EIF3A: variants seen among roughly 807,000 people sequenced by gnomAD.
EIF3A encodes EIF3, p180 subunit.
EIF3A carries 21 observed loss-of-function variants against 186.6 expected under a neutral mutation model. The ratio of observed to expected loss-of-function variants is 0.11; its 90% CI spans 0.08 to 0.16. The LOEUF is 0.16. Ranked by LOEUF, EIF3A falls within the 10% of genes least tolerant of loss-of-function variation. EIF3A has a pLI of 1.00. For synonymous variants in EIF3A, 563 were observed against 584.3 expected, an observed-to-expected ratio of 0.96 and a Z score of 0.52; for missense variants, 1,306 against 1,796.3, an observed-to-expected ratio of 0.73 and a Z score of 4.93.
At chr10:119,070,822 A>G (rs868403656) in intron 5 of EIF3A, 64 bp downstream of exon 5, 33 of 1,157,012 alleles carry the variant, frequency 2.9e-5, no homozygotes, top group African/African-American at 2.1e-4. Context: ...GCTATTCATT[A>G]AGGGGGGAGA....
chr10:119,062,143 G>C lies in EIF3A; in HGVS notation c.1123-815C>G, dbSNP rs547043992. ...TTATAAGCATCCATATATCTTTACT[G>C]CAATAAGGTGTGGTATATGCATACA... On this transcript the variant is annotated intron_variant, in intron 7 of 21. Coordinates refer to ENST00000369144, the MANE Select transcript of EIF3A (RefSeq NM_003750.4). Among the ~76,000 whole-genome samples, 8 of 152,048 alleles carry C rather than the reference G, an allele frequency of 5.3e-5. No homozygotes were observed. In the South Asian group the frequency reaches 1.7e-3, roughly 32 times the overall value.
At chr10:119,057,657 C>T (rs1164679806) in intron 12 of EIF3A, among the ~76,000 whole-genome samples, 1 of 152,112 alleles carries the variant, frequency 6.6e-6, no homozygotes, top group Non-Finnish European at 1.5e-5. Flanking sequence ...CGCCTGTAAT[C>T]CCAGCTAGTT....
chr10:119,042,652 C>T lies in EIF3A; in HGVS notation c.2868G>A (p.Arg956=), dbSNP rs767793490. 7 of 1,614,206 alleles carry T rather than the reference C, an allele frequency of 4.3e-6. No individual in the cohort carries two copies. The South Asian group carries it at 7.7e-5, about 18-fold the overall frequency. The part of the protein sequence containing the change: ...REPSLRPDDD[R]VPRRGMDDDR... ...CATCATCCATGCCACGCCGGGGAACCCGATCATCGTCTGGTCTAAGAGAGG... is the reference window on the plus strand; with the variant it reads ...CATCATCCATGCCACGCCGGGGAACTCGATCATCGTCTGGTCTAAGAGAGG... The change falls in exon 19 of 22, where the codon CGG becomes CGA. Residue 956 remains arginine (R), a synonymous_variant. Transcript: ENST00000369144. This position sits in a 1 kb window ranked among gnomAD's most constrained non-coding sequence, Gnocchi z 7.8.
rs1440934855 is a variant in EIF3A, at chr10:119,033,814, C to T, written c.*2225G>A. 1 of 166,458 alleles carries T rather than the reference C, an allele frequency of 6.0e-6. No individual in the cohort carries two copies. Among genetic ancestry groups the T allele is most frequent in the Non-Finnish European group, 1.5e-5 (1 of 68,068 alleles). 10.3% of individuals were successfully genotyped at this position (166,458 alleles called of 1,614,324 possible). ...AAGGAACAGTCCTTTCATAGTACCC[C>T]AAGTATTTCAATTAGACTTATAAAA... On this transcript the variant is annotated 3_prime_UTR_variant, in exon 22 of 22. Coordinates refer to ENST00000369144, the MANE Select transcript of EIF3A (RefSeq NM_003750.4).
chr10:119,044,753 C>A (rs1448623537), intron 17 of EIF3A, among the ~76,000 whole-genome samples: 2 of 151,982 alleles, frequency 1.3e-5, no homozygotes, highest in East Asian at 3.9e-4. Flanking sequence ...GAGGCTGAGG[C>A]AGGAGAATCG....
At chr10:119,039,052 T>C (rs1156233121) in intron 19 of EIF3A, among the ~76,000 whole-genome samples, 1 of 152,198 alleles carries the variant, frequency 6.6e-6, no homozygotes, top group African/African-American at 2.4e-5. Flanking sequence ...CAGCATAGTA[T>C]CTGTTCTGAT....
In EIF3A at chr10:119,058,280, C is replaced by G. The variant is rs750814876; in HGVS notation, c.1653G>C (p.Gln551His). The change falls in exon 12 of 22, where the codon CAG becomes CAC. Residue 551 changes from glutamine to histidine, a missense_variant. Coordinates refer to ENST00000369144, the MANE Select transcript of EIF3A (RefSeq NM_003750.4). ...HILQEKEEQH[Q>H]LAVTAYLKNS... ...TTTTAAGGTATGCAGTGACAGCCAA[C>G]TGATGCTGTTCTTCTTTCTCTTGCT... The G allele has an allele frequency of 1.9e-6, 3 of 1,597,148 alleles. No homozygotes were observed. Among genetic ancestry groups the G allele is most frequent in the South Asian group, 2.3e-5 (2 of 88,492 alleles).
rs974741860 is a variant in EIF3A, at chr10:119,080,791, G to C, written c.-115C>G. ...CCACGCGCCTCGCCAGCAGTCGCCC[G>C]CGCCCAGCCGGCCAGAGACGGAAAG... On this transcript the variant is annotated 5_prime_UTR_variant, in exon 1 of 22. Transcript: ENST00000369144. 39 of 1,438,488 alleles carry C rather than the reference G, an allele frequency of 2.7e-5. No homozygotes were observed. The highest frequency in any genetic ancestry group is 3.6e-5 in the Non-Finnish European group (39 of 1,091,840). 89.1% of individuals were successfully genotyped at this position (1,438,488 alleles called of 1,614,324 possible). A position where few individuals can be genotyped will look rare whatever the true frequency, so the allele number is the denominator to read the frequency against.
At chr10:119,051,061 A>T in intron 15 of EIF3A, 138 bp downstream of exon 15, 1 of 731,390 alleles carries the variant, frequency 1.4e-6, no homozygotes. Context: ...ATGAAATATC[A>T]TCCAAAAATT....
intron 12 of EIF3A, 122 bp from the exon 13 acceptor site, chr10:119,057,162 G>C (rs1843795413): frequency 3.2e-6 from 2 of 618,640 alleles, no homozygotes; most frequent in Non-Finnish European, 5.6e-6. Context: ...TGATAATTTA[G>C]GAAATGTAAA....
At chr10:119,069,111 T>C (rs113679508) in intron 6 of EIF3A, among the ~76,000 whole-genome samples, 2,247 of 152,356 alleles carry the variant, frequency 0.015, 52 homozygotes, top group African/African-American at 0.052. Context: ...ATTTCTCAAT[T>C]GGGCTTTTAG....
At chr10:119,040,354 CAG>C (rs1378595351) in intron 19 of EIF3A, among the ~76,000 whole-genome samples, 1 of 152,136 alleles carries the variant, frequency 6.6e-6, no homozygotes, top group African/African-American at 2.4e-5. Context: ...AAGGATGAAA[CAG>C]AGACAAAACA....
rs750027021 is a variant in EIF3A, at chr10:119,060,807, G to C, written c.1265C>G (p.Pro422Arg). Residue 422 changes from proline (P) to arginine (R), a missense_variant, in exon 9 of 22, where the codon CCG becomes CGG. This residue lies in a region of EIF3A where 267 missense variants were observed against 367.8 expected (regional missense o/e 0.73). Coordinates refer to ENST00000369144, the MANE Select transcript of EIF3A (RefSeq NM_003750.4). ...TTGTGGCACATACTGCTGCAATTCC[G>C]GTTCCTTTTCAGGTTGTTCCCTAAC... ...NWVREQPEKE[P>R]ELQQYVPQLQ... 1.9e-6 allele frequency: 3 copies of C among 1,611,742 alleles called. No individual in the cohort carries two copies. The South Asian group carries it at 3.3e-5, about 18-fold the overall frequency.
chr10:119,062,531 T>C (rs1479804639), intron 7 of EIF3A, among the ~76,000 whole-genome samples: 1 of 152,136 alleles, frequency 6.6e-6, no homozygotes, highest in Non-Finnish European at 1.5e-5. Context: ...TGACACTAAC[T>C]GGTATCCTTC....
rs1848102519 is a variant in EIF3A at position 119,034,616 on chromosome 10, G to A, written c.*1423C>T. Reference sequence around the variant, plus strand: ...AACAAAAATAGCTGCATCTGGTTAAGTTAAAAAGCATCAATACTCCCTCTT... The same window carrying A: ...AACAAAAATAGCTGCATCTGGTTAAATTAAAAAGCATCAATACTCCCTCTT... On this transcript the variant is annotated 3_prime_UTR_variant, in exon 22 of 22. Transcript: ENST00000369144. The A allele has an allele frequency of 6.6e-6, 1 of 152,202 alleles. No individual in the cohort carries two copies. The highest frequency in any genetic ancestry group is 2.4e-5 in the African/African-American group (1 of 41,442). The allele number at this position is 152,202 out of a possible 1,614,324, so 9.4% of individuals were successfully genotyped here.
chr10:119,044,126 T>G lies in EIF3A; in HGVS notation c.2675A>C (p.Asp892Ala). The G allele has an allele frequency of 6.2e-7, 1 of 1,613,604 alleles. No individual in the cohort carries two copies. The highest frequency in any genetic ancestry group is 8.5e-7 in the Non-Finnish European group (1 of 1,179,552). ...SLSRKDSRWG[D>A]RDSEGTWRKG... ...TCTCCAGGTGCCTTCTGAATCTCTA[T>G]CTCCCCAACGAGAGTCCTCCATTGA... The change falls in exon 18 of 22, where the codon GAT becomes GCT. Residue 892 changes from aspartate (D) to alanine (A), a missense_variant. Coordinates refer to ENST00000369144, the MANE Select transcript of EIF3A (RefSeq NM_003750.4).
intron 1 of EIF3A, among the ~76,000 whole-genome samples, chr10:119,076,121 A>G: frequency 6.6e-6 from 1 of 150,542 alleles, no homozygotes; most frequent in Non-Finnish European, 1.5e-5. Flanking sequence ...TCACGAGGTC[A>G]GGAGATCGAG....
chr10:119,069,228 G>A (rs1844033382), intron 6 of EIF3A, among the ~76,000 whole-genome samples: 1 of 151,942 alleles, frequency 6.6e-6, no homozygotes, highest in East Asian at 1.9e-4. Context: ...GTCACAACTG[G>A]CGGTGGTTGC....
intron 19 of EIF3A, among the ~76,000 whole-genome samples, chr10:119,038,870 A>G (rs960577857): frequency 1.3e-5 from 2 of 152,170 alleles, no homozygotes; most frequent in Non-Finnish European, 2.9e-5. Flanking sequence ...GGCTGCAGTG[A>G]GCCAAGATAG....
Sources: gnomAD v4.1 joint callset for allele counts (sites outside exome capture counted in the v4.1 genomes callset) on GRCh38, gnomAD v4.1.1 for gene constraint, gnomAD v4.1.1 regional missense constraint, Gnocchi (gnomAD v3.1) non-coding constraint, MANE v1.5 for transcripts, NCBI Gene and HGNC (gene_info 2026-07-23, HGNC 2026-07-21) for gene names.